Variants in ZBTB20 observed in about 807,000 individuals in gnomAD.
ZBTB20 encodes zinc finger and BTB domain-containing protein 20.
A neutral mutation model predicts 56.9 loss-of-function variants in ZBTB20; 9 were observed. The observed-to-expected ratio is 0.16, with a 90% CI of 0.10 to 0.28. ZBTB20 has a LOEUF of 0.28. Among genes scored for constraint, ZBTB20 ranks in the 10% least tolerant of loss-of-function variants. The probability of loss-of-function intolerance (pLI) is 1.00; values close to 1 mark genes in which losing one functional copy is unlikely to be tolerated. For missense variants in ZBTB20, 655 were observed against 1,003.0 expected (o/e 0.65, Z 4.69); for synonymous variants, 417 against 420.7 (o/e 0.99, Z 0.11).
intron 6 of ZBTB20, among the ~76,000 whole-genome samples, chr3:114,668,956 T>A (rs2061208437): frequency 6.6e-6 from 1 of 151,984 alleles, no homozygotes; most frequent in African/African-American, 2.4e-5. Flanking sequence ...CTATACTCCA[T>A]TATAAACAAC....
In ZBTB20 at chr3:114,652,959, C is replaced by T. The variant is rs188736081; in HGVS notation, c.-295+40569G>A. Among the ~76,000 whole-genome samples the T allele has an allele frequency of 2.9e-4, 44 of 152,038 alleles. 1 individual carries two copies. The Middle Eastern group carries it at 0.031, about 107-fold the overall frequency. On this transcript the variant is annotated intron_variant, in intron 6 of 11. Transcript: ENST00000675478. ...ATTTTCAAATTATTTGCCGGTACTA[C>T]ATAAATGCAATCAATTTTTGTATAT...
At chr3:115,100,303 C>T (rs1397991047) in intron 1 of ZBTB20, 1 of 151,808 alleles carries the variant, frequency 6.6e-6, no homozygotes, top group East Asian at 1.9e-4. Context: ...TATATACACA[C>T]ACTGCAACCT....
At chr3:114,487,971 G>A (rs1304746049) in intron 7 of ZBTB20, among the ~76,000 whole-genome samples, 2 of 152,230 alleles carry the variant, frequency 1.3e-5, no homozygotes, top group Non-Finnish European at 2.9e-5. Flanking sequence ...AATGTTGCCA[G>A]TGTGTATTTT....
intron 5 of ZBTB20, among the ~76,000 whole-genome samples, chr3:114,733,244 C>T (rs1284061689): frequency 6.6e-6 from 1 of 152,166 alleles, no homozygotes; most frequent in Non-Finnish European, 1.5e-5. Context: ...TCCTCACTGG[C>T]TCATCATGCA....
chr3:114,419,983 C>T (rs756625530), intron 7 of ZBTB20, among the ~76,000 whole-genome samples: 2 of 152,120 alleles, frequency 1.3e-5, no homozygotes, highest in African/African-American at 2.4e-5. Flanking sequence ...TTTTACAGTA[C>T]ATAATTTGGT....
chr3:114,768,341 C>G (rs2068930321), intron 5 of ZBTB20, among the ~76,000 whole-genome samples: 1 of 151,742 alleles, frequency 6.6e-6, no homozygotes, highest in Admixed American at 6.6e-5. Flanking sequence ...AATATTGTAG[C>G]AATTCTTCAT....
intron 6 of ZBTB20, chr3:114,687,554 A>G (rs2062416765): frequency 6.6e-6 from 1 of 151,316 alleles, no homozygotes; most frequent in Non-Finnish European, 1.5e-5. Context: ...ATCCATAGGG[A>G]GATTTACTTG....
At chr3:115,006,981 C>T (rs1335661541) in intron 2 of ZBTB20, among the ~76,000 whole-genome samples, 2 of 151,344 alleles carry the variant, frequency 1.3e-5, no homozygotes, top group African/African-American at 4.9e-5. Flanking sequence ...GTAGCAATAC[C>T]AGAAAATCCC....
chr3:114,925,438 T>C (rs552024512), intron 3 of ZBTB20, among the ~76,000 whole-genome samples: 1 of 152,360 alleles, frequency 6.6e-6, no homozygotes, highest in East Asian at 1.9e-4. Flanking sequence ...TTTAAGATTG[T>C]CATCTGTTGA....
chr3:115,118,051 A>G (rs764874187), intron 1 of ZBTB20, among the ~76,000 whole-genome samples: 7 of 152,246 alleles, frequency 4.6e-5, no homozygotes, highest in Non-Finnish European at 8.8e-5. Flanking sequence ...CAGTTTCCTC[A>G]TAGCAAAGAG....
chr3:115,067,772 A>G (rs1293696548), intron 2 of ZBTB20, among the ~76,000 whole-genome samples: 1 of 152,168 alleles, frequency 6.6e-6, no homozygotes, highest in Non-Finnish European at 1.5e-5. Context: ...TATCGTATCA[A>G]CTTCATGTAC....
chr3:114,584,940 A>G (rs995456123), intron 6 of ZBTB20, among the ~76,000 whole-genome samples: 1 of 152,158 alleles, frequency 6.6e-6, no homozygotes, highest in African/African-American at 2.4e-5. Flanking sequence ...GCTCAGTTTT[A>G]TGAAAAGGCC....
chr3:114,727,015 A>C (rs1034846199), intron 5 of ZBTB20, among the ~76,000 whole-genome samples: 4 of 151,072 alleles, frequency 2.6e-5, no homozygotes, highest in Non-Finnish European at 4.4e-5. Flanking sequence ...TCCTAAAGTC[A>C]CCATATAATG....
At chr3:114,452,101 T>C (rs2091656988) in intron 7 of ZBTB20, among the ~76,000 whole-genome samples, 2 of 151,028 alleles carry the variant, frequency 1.3e-5, no homozygotes, top group Non-Finnish European at 1.5e-5. Context: ...GGGTACCAAA[T>C]GAAAAATTAA....
intron 2 of ZBTB20, among the ~76,000 whole-genome samples, chr3:115,030,800 C>T (rs1163925826): frequency 6.6e-6 from 1 of 151,174 alleles, no homozygotes; most frequent in African/African-American, 2.4e-5. Context: ...CAAACCGTGT[C>T]CCACAATTTA....
At chr3:115,118,575 G>A (rs747760867) in intron 1 of ZBTB20, among the ~76,000 whole-genome samples, 3 of 151,764 alleles carry the variant, frequency 2.0e-5, no homozygotes, top group Non-Finnish European at 2.9e-5. Flanking sequence ...AGAACTAACC[G>A]TTTTACACTA....
chr3:115,020,016 G>T (rs139454392), intron 2 of ZBTB20, among the ~76,000 whole-genome samples: 2 of 151,328 alleles, frequency 1.3e-5, no homozygotes, highest in East Asian at 3.9e-4. Flanking sequence ...AACTGTGTAT[G>T]CAAGAAGCAG....
At chr3:115,057,896 A>T (rs572611902) in intron 2 of ZBTB20, among the ~76,000 whole-genome samples, 6 of 152,140 alleles carry the variant, frequency 3.9e-5, no homozygotes, top group Non-Finnish European at 8.8e-5. Context: ...TTATAAAAGA[A>T]AAAATTTAAT....
intron 7 of ZBTB20, among the ~76,000 whole-genome samples, chr3:114,443,312 G>T (rs1410998916): frequency 6.6e-6 from 1 of 152,152 alleles, no homozygotes; most frequent in Non-Finnish European, 1.5e-5. Flanking sequence ...ACAGACAGAG[G>T]TGTAACAAGC....
Sources: gnomAD v4.1 joint callset for allele counts (sites outside exome capture counted in the v4.1 genomes callset) on GRCh38, gnomAD v4.1.1 for gene constraint, MANE v1.5 for transcripts, NCBI Gene and HGNC (gene_info 2026-07-23, HGNC 2026-07-21) for gene names.